The following HYDIN variants were observed in gnomAD, a reference collection of about 807,000 sequenced individuals.
The protein encoded by HYDIN is HYDIN axonemal central pair apparatus protein, also known as axonemal central pair apparatus protein HYDIN.
In HYDIN, 132 loss-of-function variants were observed where a neutral mutation model predicts 403.9. The observed-to-expected ratio is 0.33, with a 90% CI of 0.28 to 0.38. The LOEUF (loss-of-function observed/expected upper bound fraction) is 0.38. HYDIN is among the 10% of genes least tolerant of loss of function. The probability of loss-of-function intolerance (pLI) is 1.00; values close to 1 mark genes in which losing one functional copy is unlikely to be tolerated. For missense variants in HYDIN, 2,827 were observed against 5,009.5 expected, an observed-to-expected ratio of 0.56 and a Z score of 13.15; for synonymous variants, 1,202 against 1,891.7, an observed-to-expected ratio of 0.64 and a Z score of 9.46.
In HYDIN at chr16:71,230,697, G is replaced by T. The variant is rs761613886; in HGVS notation, c.-159C>A. ...CGCCCGCACTCTCCATGCGCCGCCCGAGCTGTTGCCGTCCGTTGCCACGGT... is the reference window on the plus strand; with the variant it reads ...CGCCCGCACTCTCCATGCGCCGCCCTAGCTGTTGCCGTCCGTTGCCACGGT... On this transcript the variant is annotated 5_prime_UTR_variant, in exon 1 of 86. Coordinates refer to ENST00000393567, the MANE Select transcript of HYDIN (RefSeq NM_001270974.2). 6.5e-7 allele frequency: 1 copy of T among 1,535,866 alleles called. No homozygotes were observed. Among genetic ancestry groups the T allele is most frequent in the South Asian group, 1.2e-5 (1 of 84,046 alleles).
At chr16:70,915,997 C>T (rs2076828530) in intron 47 of HYDIN, among the ~76,000 whole-genome samples, 1 of 152,270 alleles carries the variant, frequency 6.6e-6, no homozygotes, top group African/African-American at 2.4e-5. Context: ...CACCATGCCC[C>T]CACCAACAGC....
Position 70,850,590 on chromosome 16 carries a change from T to C in HYDIN, c.12509A>G (p.Asn4170Ser), listed in dbSNP as rs2038569476. ...EGDVNFNLIC[N>S]VEKKVHPVTL... ...CACAGGGTGGACTTTCTTTTCCACA[T>C]TGCAGATCAAATTAAAGTTCACATC... Residue 4170 changes from asparagine (N) to serine (S), a missense_variant, in exon 74 of 86, where the codon AAT becomes AGT. Asn to Ser is a conservative substitution (Grantham distance 46). Coordinates refer to ENST00000393567, the MANE Select transcript of HYDIN (RefSeq NM_001270974.2). 1.2e-6 allele frequency: 2 copies of C among 1,613,990 alleles called. No individual in the cohort carries two copies. Among genetic ancestry groups the C allele is most frequent in the Non-Finnish European group, 1.7e-6 (2 of 1,179,972 alleles).
At chr16:71,124,437 A>G (rs1322507652) in intron 9 of HYDIN, among the ~76,000 whole-genome samples, 3 of 152,128 alleles carry the variant, frequency 2.0e-5, no homozygotes, top group Non-Finnish European at 2.9e-5. Flanking sequence ...ACAGGGTCTA[A>G]TCTCTTGATC....
chr16:70,848,624 G>A (rs2143572039), intron 75 of HYDIN, among the ~76,000 whole-genome samples: 1 of 109,288 alleles, frequency 9.2e-6, no homozygotes, highest in African/African-American at 3.6e-5. Flanking sequence ...TTAAATGCCT[G>A]GAACCAATAA....
chr16:71,101,420 TAGG>T (rs1184587139), intron 10 of HYDIN, among the ~76,000 whole-genome samples: 4 of 119,204 alleles, frequency 3.4e-5, no homozygotes, highest in Admixed American at 9.0e-5. Flanking sequence ...AGACACAAAC[TAGG>T]AGAAGATATT....
chr16:70,951,426 C>T (rs1309380048), intron 41 of HYDIN, among the ~76,000 whole-genome samples: 1 of 152,168 alleles, frequency 6.6e-6, no homozygotes, highest in Non-Finnish European at 1.5e-5. Context: ...TCTGCCACTC[C>T]CCTCGAGCAT....
chr16:71,171,241 ATTAGTTATCTTAAG>A (rs1290877202), intron 5 of HYDIN, among the ~76,000 whole-genome samples: 7 of 152,212 alleles, frequency 4.6e-5, no homozygotes, highest in African/African-American at 1.7e-4. Flanking sequence ...CACGGCTTAA[ATTAGTTATCTTAAG>A]TTAGCCCAAA....
intron 69 of HYDIN, among the ~76,000 whole-genome samples, chr16:70,861,261 G>C (rs1428614462): frequency 1.3e-5 from 2 of 152,102 alleles, no homozygotes; most frequent in East Asian, 3.9e-4. Flanking sequence ...TGAGCTCCTC[G>C]GAAAAGGTGA....
intron 41 of HYDIN, among the ~76,000 whole-genome samples, chr16:70,948,736 T>C (rs2143908657): frequency 6.6e-6 from 1 of 152,068 alleles, no homozygotes; most frequent in Admixed American, 6.5e-5. Flanking sequence ...ATCAGAGGAA[T>C]GCAAATCAAA....
chr16:70,863,862 ACT>A (rs1341172706), intron 67 of HYDIN, among the ~76,000 whole-genome samples: 1 of 152,018 alleles, frequency 6.6e-6, no homozygotes, highest in South Asian at 2.1e-4. Flanking sequence ...ACAGAGCGAG[ACT>A]CTGTCGAAAG....
chr16:70,922,903 G>A (rs577375531), intron 45 of HYDIN, among the ~76,000 whole-genome samples: 1 of 148,620 alleles, frequency 6.7e-6, no homozygotes, highest in Admixed American at 6.7e-5. Context: ...AGTAGCTTGG[G>A]ACTACAGGCA....
intron 75 of HYDIN, 58 bp from the exon 76 acceptor site, chr16:70,840,291 T>C (rs932077205): frequency 1.6e-6 from 2 of 1,213,974 alleles, no homozygotes; most frequent in African/African-American, 1.9e-5. Context: ...GAGAGGGCTC[T>C]TAAGTCCTCA....
At chr16:71,175,370 C>A (rs1004963432) in intron 5 of HYDIN, among the ~76,000 whole-genome samples, 3 of 152,018 alleles carry the variant, frequency 2.0e-5, no homozygotes, top group African/African-American at 7.2e-5. Flanking sequence ...CCATCAATGA[C>A]AACAATATCA....
chr16:71,127,126 T>C (rs1295065939), intron 9 of HYDIN, among the ~76,000 whole-genome samples: 1 of 152,264 alleles, frequency 6.6e-6, no homozygotes, highest in Non-Finnish European at 1.5e-5. Context: ...TGAGTTCTGC[T>C]GTTTTGACCA....
intron 1 of HYDIN, among the ~76,000 whole-genome samples, chr16:71,219,229 G>C (rs1248943116): frequency 6.6e-6 from 1 of 151,962 alleles, no homozygotes; most frequent in South Asian, 2.1e-4. Context: ...CACAGATACA[G>C]TCAGATCATA....
chr16:71,126,528 C>A (rs1246457223), intron 9 of HYDIN, among the ~76,000 whole-genome samples: 1 of 152,168 alleles, frequency 6.6e-6, no homozygotes, highest in Admixed American at 6.5e-5. Context: ...TCGTGGTAAT[C>A]TTAGATGTAC....
At chr16:71,152,574 G>A (rs992513356) in intron 7 of HYDIN, 85 bp downstream of exon 7, 137 of 854,106 alleles carry the variant, frequency 1.6e-4, no homozygotes, top group Non-Finnish European at 2.1e-4. Context: ...TTGCATCCTC[G>A]TAGCTTGGTT....
intron 59 of HYDIN, 54 bp downstream of exon 59, chr16:70,883,866 A>T: frequency 1.3e-6 from 2 of 1,561,752 alleles, no homozygotes; most frequent in Non-Finnish European, 1.7e-6. Context: ...CCACTGCACC[A>T]GGTCTCAGAT....
chr16:71,071,983 T>C (rs1202440768), intron 13 of HYDIN, among the ~76,000 whole-genome samples: 4 of 151,980 alleles, frequency 2.6e-5, no homozygotes, highest in Admixed American at 6.6e-5. Context: ...ATTTTTGTCA[T>C]TGTCCATAGA....
Sources: allele counts gnomAD v4.1 joint callset (sites outside exome capture counted in the v4.1 genomes callset), GRCh38; gene constraint gnomAD v4.1.1; transcripts MANE v1.5; gene names NCBI Gene and HGNC (gene_info 2026-07-23, HGNC 2026-07-21).